The following COL25A1 variants were observed in gnomAD, a reference collection of about 807,000 sequenced individuals.
COL25A1 encodes collagen alpha-1(XXV) chain.
COL25A1 carries 103 observed loss-of-function variants against 128.4 expected under a neutral mutation model. That is an observed-to-expected ratio of 0.80 (90% confidence interval 0.68 to 0.94). The LOEUF (loss-of-function observed/expected upper bound fraction) is 0.94. Among genes scored for constraint, COL25A1 ranks in the 40% least tolerant of loss-of-function variants. The pLI, the probability that COL25A1 is intolerant of heterozygous loss-of-function variation, is 0.00. For missense variants in COL25A1, 745 were observed against 840.0 expected, an observed-to-expected ratio of 0.89 and a Z score of 1.40; for synonymous variants, 279 against 277.2, an observed-to-expected ratio of 1.01 and a Z score of -0.06.
intron 3 of COL25A1, among the ~76,000 whole-genome samples, chr4:109,288,641 T>G (rs1724124517): frequency 6.6e-6 from 1 of 152,084 alleles, no homozygotes; most frequent in South Asian, 2.1e-4. Flanking sequence ...TCTTTAACAT[T>G]AGTGGAACTA....
intron 3 of COL25A1, among the ~76,000 whole-genome samples, chr4:109,086,949 G>A (rs1764446858): frequency 6.6e-6 from 1 of 152,148 alleles, no homozygotes; most frequent in Admixed American, 6.5e-5. Flanking sequence ...TTCCAAAGTG[G>A]CCCAGTGGAA....
intron 26 of COL25A1, among the ~76,000 whole-genome samples, chr4:108,851,288 T>C (rs1168693860): frequency 6.6e-6 from 1 of 152,074 alleles, no homozygotes; most frequent in African/African-American, 2.4e-5. Flanking sequence ...AAGAAATCTA[T>C]TTGAAATTAG....
chr4:108,994,052 A>T (rs1003030668), intron 6 of COL25A1, among the ~76,000 whole-genome samples: 2 of 152,134 alleles, frequency 1.3e-5, no homozygotes, highest in Non-Finnish European at 2.9e-5. Flanking sequence ...CAGAAGACAG[A>T]TGATTTCTGC....
intron 3 of COL25A1, among the ~76,000 whole-genome samples, chr4:109,297,912 A>G (rs1000799655): frequency 1.9e-4 from 23 of 122,194 alleles, no homozygotes; most frequent in African/African-American, 6.6e-4. Context: ...AAATTAGAAC[A>G]TAGGGAAGTT....
chr4:109,059,039 T>C (rs1221364938), intron 3 of COL25A1, among the ~76,000 whole-genome samples: 1 of 152,150 alleles, frequency 6.6e-6, no homozygotes, highest in Non-Finnish European at 1.5e-5. Flanking sequence ...GCAGGAATGA[T>C]AGAGTAAGAT....
At chr4:108,915,883 C>A (rs1218840936) in intron 13 of COL25A1, among the ~76,000 whole-genome samples, 1 of 152,144 alleles carries the variant, frequency 6.6e-6, no homozygotes. Flanking sequence ...TCATTGTAAG[C>A]TCCTTTCTTA....
At chr4:108,942,004 G>A (rs898274040) in intron 8 of COL25A1, among the ~76,000 whole-genome samples, 4 of 152,236 alleles carry the variant, frequency 2.6e-5, no homozygotes, top group Admixed American at 6.5e-5. Context: ...CCTGTTTGAT[G>A]TCAATATCCT....
At chr4:108,863,617 A>G (rs1737533168) in intron 20 of COL25A1, among the ~76,000 whole-genome samples, 1 of 152,252 alleles carries the variant, frequency 6.6e-6, no homozygotes, top group Non-Finnish European at 1.5e-5. Flanking sequence ...GACACATAGA[A>G]AGATAATAAA....
At chr4:109,275,286 G>A (rs1560967453) in intron 3 of COL25A1, among the ~76,000 whole-genome samples, 1 of 152,124 alleles carries the variant, frequency 6.6e-6, no homozygotes, top group Non-Finnish European at 1.5e-5. Context: ...CTTTTGCCCT[G>A]AAAAAGGACC....
intron 3 of COL25A1, among the ~76,000 whole-genome samples, chr4:109,234,995 T>C (rs1779378639): frequency 6.6e-6 from 1 of 151,966 alleles, no homozygotes; most frequent in Non-Finnish European, 1.5e-5. Flanking sequence ...ATAAATAAAG[T>C]TTATTTACTA....
intron 3 of COL25A1, among the ~76,000 whole-genome samples, chr4:109,270,485 A>G (rs1348113511): frequency 6.6e-6 from 1 of 152,154 alleles, no homozygotes; most frequent in Non-Finnish European, 1.5e-5. Flanking sequence ...TTCAAAGAGA[A>G]TAAAATACCT....
intron 31 of COL25A1, among the ~76,000 whole-genome samples, chr4:108,839,449 C>T (rs950726103): frequency 6.6e-6 from 1 of 151,908 alleles, no homozygotes; most frequent in Non-Finnish European, 1.5e-5. Context: ...AAGACAGTAT[C>T]CCGGGAATGC....
chr4:109,293,009 A>T (rs10433998), intron 3 of COL25A1, among the ~76,000 whole-genome samples: 16,967 of 152,044 alleles, frequency 0.11, 1,070 homozygotes, highest in East Asian at 0.23. Context: ...ATCATATCAT[A>T]TATTATCTTA....
chr4:108,885,978 C>T (rs1343382564), intron 18 of COL25A1, among the ~76,000 whole-genome samples: 1 of 152,174 alleles, frequency 6.6e-6, no homozygotes, highest in African/African-American at 2.4e-5. Flanking sequence ...CATAGACACA[C>T]ACCCATGTTT....
chr4:108,937,833 C>T lies in COL25A1; in HGVS notation c.683G>A (p.Gly228Glu). ...RGMPGVPGEP[G>E]KPGEQGLMGP... is the part of the protein sequence containing the mutation. ...CATCAAGCCTTGTTCTCCTGGCTTT[C>T]CTGGTTCACCCTTAAAAAAGAATAG... The change falls in exon 11 of 38, where the codon GGA (glycine) becomes GAA (glutamate). Residue 228 changes from glycine (G) to glutamate (E), a missense_variant. Physicochemically the swap from Gly to Glu is moderately conservative, Grantham distance 98. Coordinates refer to ENST00000399132, the MANE Select transcript of COL25A1 (RefSeq NM_198721.4). 1 of 1,607,320 alleles carries T rather than the reference C, an allele frequency of 6.2e-7. No individual in the cohort carries two copies. The highest frequency in any genetic ancestry group is 8.5e-7 in the Non-Finnish European group (1 of 1,177,126).
intron 11 of COL25A1, among the ~76,000 whole-genome samples, chr4:108,923,577 C>T (rs1199065534): frequency 6.6e-6 from 1 of 152,158 alleles, no homozygotes; most frequent in Non-Finnish European, 1.5e-5. Context: ...AACTCCTGGC[C>T]TCAAACGATC....
intron 3 of COL25A1, among the ~76,000 whole-genome samples, chr4:109,075,797 C>A (rs190300488): frequency 6.6e-6 from 1 of 152,232 alleles, no homozygotes; most frequent in East Asian, 1.9e-4. Flanking sequence ...ACTTAAAAGC[C>A]CACATAAATA....
intron 22 of COL25A1, 74 bp from the exon 23 acceptor site, chr4:108,861,045 A>T: frequency 7.8e-7 from 1 of 1,289,384 alleles, no homozygotes; most frequent in South Asian, 1.2e-5. Flanking sequence ...GAACATGTTT[A>T]TGCCATACAG....
intron 3 of COL25A1, among the ~76,000 whole-genome samples, chr4:109,151,807 C>T (rs560287019): frequency 2.0e-3 from 299 of 152,220 alleles, no homozygotes; most frequent in African/African-American, 7.0e-3. Flanking sequence ...TTTATCTGAT[C>T]TGATTGCATC....
Sources: allele counts gnomAD v4.1 joint callset (sites outside exome capture counted in the v4.1 genomes callset), GRCh38; gene constraint gnomAD v4.1.1; transcripts MANE v1.5; gene names NCBI Gene and HGNC (gene_info 2026-07-23, HGNC 2026-07-21).